Variants in DACH2 observed in about 807,000 individuals in gnomAD.
DACH2 encodes the protein dachshund homolog 2.
Under a neutral mutation model 35.8 loss-of-function variants are expected in DACH2, and 17 were observed. The ratio of observed to expected loss-of-function variants is 0.48; its 90% CI spans 0.33 to 0.71. The LOEUF is 0.71. Among genes scored for constraint, DACH2 ranks in the 30% least tolerant of loss-of-function variants. The pLI is 0.02. For missense variants in DACH2, 469 were observed against 472.7 expected (o/e 0.99, Z 0.07); for synonymous variants, 195 against 177.3 (o/e 1.10, Z -0.79).
intron 2 of DACH2, among the ~76,000 whole-genome samples, chrX:86,475,140 G>A (rs1038724440): frequency 4.5e-5 from 5 of 111,103 alleles, no homozygotes; most frequent in Non-Finnish European, 9.4e-5. Context: ...GTTTTTACTC[G>A]GGATAGTTTT....
At chrX:86,402,633 C>T (rs2036454242) in intron 2 of DACH2, among the ~76,000 whole-genome samples, 1 of 111,636 alleles carries the variant, frequency 9.0e-6, no homozygotes, top group South Asian at 3.7e-4. Context: ...CCATGCCATT[C>T]CTATCAAGCT....
At chrX:86,422,146 A>AT (rs999209742) in intron 2 of DACH2, among the ~76,000 whole-genome samples, 7 of 110,886 alleles carry the variant, frequency 6.3e-5, no homozygotes, top group East Asian at 5.7e-4. Flanking sequence ...ACTAAGAGCC[A>AT]TTTTTTTTAA....
chrX:86,357,542 G>T (rs965479937), intron 1 of DACH2, among the ~76,000 whole-genome samples: 1 of 111,972 alleles, frequency 8.9e-6, no homozygotes, highest in Non-Finnish European at 1.9e-5. Flanking sequence ...ATATTACAAA[G>T]GTAATGTTTT....
intron 7 of DACH2, among the ~76,000 whole-genome samples, chrX:86,782,152 C>A (rs147798317): frequency 3.0e-3 from 334 of 111,385 alleles, no homozygotes; most frequent in African/African-American, 0.01. Flanking sequence ...ATTTGTATAA[C>A]GAAAAGTATC....
rs1406364022 is a variant in DACH2, at chrX:86,814,786, G to A, written c.1636G>A (p.Ala546Thr). The change falls in exon 10 of 12, where the codon GCA (alanine) becomes ACA (threonine). Residue 546 changes from alanine (A) to threonine (T), a missense_variant. Transcript: ENST00000373125. ...AAAGCGCCGGGAGCAAGTGGAGCAG[G>A]CACTTAAGCAAGCCACCACTAGTGA... ...ESKRREQVEQ[A>T]LKQATTSDSG... 2.5e-6 allele frequency: 3 copies of A among 1,211,262 alleles called. No individual in the cohort carries two copies. Among genetic ancestry groups the A allele is most frequent in the East Asian group, 3.0e-5 (1 of 33,829 alleles).
intron 3 of DACH2, among the ~76,000 whole-genome samples, chrX:86,531,041 T>C (rs1302590682): frequency 8.9e-6 from 1 of 111,946 alleles, no homozygotes; most frequent in Non-Finnish European, 1.9e-5. Context: ...TTAGGGTATC[T>C]GGTGTAAGAA....
At chrX:86,369,727 T>C (rs2035857846) in intron 1 of DACH2, among the ~76,000 whole-genome samples, 1 of 111,621 alleles carries the variant, frequency 9.0e-6, no homozygotes, top group South Asian at 3.7e-4. Flanking sequence ...TGAATAGCTT[T>C]ATAATGAATC....
At chrX:86,675,494 G>A (rs902020841) in intron 4 of DACH2, among the ~76,000 whole-genome samples, 2 of 111,260 alleles carry the variant, frequency 1.8e-5, no homozygotes, top group African/African-American at 3.3e-5. Flanking sequence ...AGACCAGCCT[G>A]GGCAACATGG....
intron 1 of DACH2, among the ~76,000 whole-genome samples, chrX:86,359,976 G>A (rs1171670320): frequency 9.2e-6 from 1 of 108,953 alleles, no homozygotes; most frequent in Admixed American, 1.0e-4. Context: ...TTGACCTCCT[G>A]GGCTCTAGCT....
intron 2 of DACH2, among the ~76,000 whole-genome samples, chrX:86,441,492 T>A (rs920560890): frequency 2.6e-3 from 278 of 108,664 alleles, no homozygotes; most frequent in African/African-American, 8.9e-3. Flanking sequence ...TGTGTGTGTG[T>A]GTGTGTGTGT....
chrX:86,548,640 A>G (rs2039007098), intron 3 of DACH2, among the ~76,000 whole-genome samples: 1 of 111,763 alleles, frequency 8.9e-6, no homozygotes, highest in Non-Finnish European at 1.9e-5. Flanking sequence ...GACACGTGAA[A>G]CCCATTTTCC....
chrX:86,792,913 T>C (rs981283405), intron 7 of DACH2, among the ~76,000 whole-genome samples: 3 of 112,011 alleles, frequency 2.7e-5, no homozygotes, highest in Non-Finnish European at 5.7e-5. Flanking sequence ...TTGGATCATA[T>C]GGTAGTTCTA....
intron 5 of DACH2, among the ~76,000 whole-genome samples, chrX:86,698,589 G>A (rs1401041102): frequency 1.2e-5 from 1 of 84,345 alleles, no homozygotes; most frequent in Non-Finnish European, 2.2e-5. Flanking sequence ...GTGTAGTGGT[G>A]TGATCATGGC....
intron 2 of DACH2, among the ~76,000 whole-genome samples, chrX:86,398,482 A>C (rs1181867426): frequency 1.8e-5 from 2 of 111,789 alleles, no homozygotes; most frequent in African/African-American, 3.3e-5. Context: ...TTGTGATGTT[A>C]GGGTGTCAAT....
chrX:86,481,055 A>C (rs1157878629), intron 2 of DACH2: 1 of 112,034 alleles, frequency 8.9e-6, no homozygotes, highest in Non-Finnish European at 1.9e-5. Context: ...CATATATGAA[A>C]ATTGCAGTGA....
intron 6 of DACH2, among the ~76,000 whole-genome samples, chrX:86,725,831 T>A (rs1002264806): frequency 2.7e-5 from 3 of 111,322 alleles, no homozygotes; most frequent in Non-Finnish European, 3.8e-5. Flanking sequence ...CCTGGCCTGC[T>A]GGTAGCACAT....
chrX:86,443,731 C>T (rs1171092056), intron 2 of DACH2, among the ~76,000 whole-genome samples: 1 of 111,319 alleles, frequency 9.0e-6, no homozygotes, highest in Non-Finnish European at 1.9e-5. Flanking sequence ...TTGTCAAATG[C>T]TTTTTCTGCA....
intron 3 of DACH2, among the ~76,000 whole-genome samples, chrX:86,563,503 T>C (rs2039253141): frequency 9.0e-6 from 1 of 111,017 alleles, no homozygotes; most frequent in Non-Finnish European, 1.9e-5. Context: ...GAAAATGTAA[T>C]ATTAATATTA....
At chrX:86,675,382 C>T (rs1602773045) in intron 4 of DACH2, among the ~76,000 whole-genome samples, 1 of 111,505 alleles carries the variant, frequency 9.0e-6, no homozygotes, top group Non-Finnish European at 1.9e-5. Context: ...TTTATAATTG[C>T]AACATAAAAT....
Sources: gnomAD v4.1 joint callset for allele counts (sites outside exome capture counted in the v4.1 genomes callset) on GRCh38, gnomAD v4.1.1 for gene constraint, MANE v1.5 for transcripts, NCBI Gene and HGNC (gene_info 2026-07-23, HGNC 2026-07-21) for gene names.